Variants in CCDC146 observed in about 807,000 individuals in gnomAD.
CCDC146 encodes the protein coiled-coil domain-containing protein 146.
In CCDC146, 92 loss-of-function variants were observed where a neutral mutation model predicts 119.3. That is an observed-to-expected ratio of 0.77 (90% confidence interval 0.65 to 0.92). CCDC146 has a LOEUF of 0.92. Among genes scored for constraint, CCDC146 ranks in the 40% least tolerant of loss-of-function variants. The pLI is 0.00. For synonymous variants in CCDC146, 372 were observed against 371.8 expected, an observed-to-expected ratio of 1.00 and a Z score of -0.01; for missense variants, 1,000 against 1,103.0, an observed-to-expected ratio of 0.91 and a Z score of 1.32.
At chr7:77,288,443 G>A (rs1339780979) in intron 17 of CCDC146, among the ~76,000 whole-genome samples, 1 of 152,194 alleles carries the variant, frequency 6.6e-6, no homozygotes, top group Non-Finnish European at 1.5e-5. Flanking sequence ...TTCATTTGGG[G>A]AATTGCCCCA....
At chr7:77,191,518 T>C (rs1260797665) in intron 2 of CCDC146, among the ~76,000 whole-genome samples, 2 of 152,180 alleles carry the variant, frequency 1.3e-5, no homozygotes, top group South Asian at 2.1e-4. Context: ...TAGACAATAT[T>C]GAATAATATA....
chr7:77,156,627 A>G (rs1007609374), intron 1 of CCDC146, among the ~76,000 whole-genome samples: 5 of 152,356 alleles, frequency 3.3e-5, no homozygotes, highest in Non-Finnish European at 5.9e-5. Context: ...CAAGTCTAAC[A>G]TTGTCTTTGT....
intron 8 of CCDC146, among the ~76,000 whole-genome samples, chr7:77,261,283 C>A (rs1026935263): frequency 1.3e-5 from 2 of 152,038 alleles, no homozygotes; most frequent in Non-Finnish European, 2.9e-5. Context: ...ATCCTCTACC[C>A]TCCAAAAGGC....
At position 77,221,495 on chromosome 7, in the gene CCDC146, C is replaced by G. The variant is rs149733762; in HGVS notation, c.157-15452C>G. ...TGTTAGTTCTATGAGTGGCCCAAAT[C>G]ACATGTGGATGTGGAAAGGGAACAC... On this transcript the variant is annotated intron_variant, in intron 2 of 18. Coordinates refer to ENST00000285871, the MANE Select transcript of CCDC146 (RefSeq NM_020879.3). Among the ~76,000 whole-genome samples the G allele has an allele frequency of 5.3e-3, 812 of 152,266 alleles. 24 individuals are homozygous for G. Among genetic ancestry groups the G allele is most frequent in the Admixed American group, 0.046 (702 of 15,296 alleles).
At chr7:77,126,232 T>C (rs1299051987) in intron 1 of CCDC146, among the ~76,000 whole-genome samples, 1 of 152,238 alleles carries the variant, frequency 6.6e-6, no homozygotes, top group African/African-American at 2.4e-5. Context: ...TTTCTTCTGA[T>C]TTATTGATAT....
chr7:77,174,243 C>A (rs563799061), intron 2 of CCDC146, among the ~76,000 whole-genome samples: 1 of 152,144 alleles, frequency 6.6e-6, no homozygotes, highest in Admixed American at 6.6e-5. Context: ...TTATGCATGG[C>A]GGTAGTTTGA....
At chr7:77,142,010 A>T (rs575958946) in intron 1 of CCDC146, among the ~76,000 whole-genome samples, 2 of 152,244 alleles carry the variant, frequency 1.3e-5, no homozygotes, top group South Asian at 4.2e-4. Context: ...CCTGAATGGT[A>T]TTGCCTGGGT....
chr7:77,286,072 G>A (rs1262681610), intron 15 of CCDC146, among the ~76,000 whole-genome samples: 1 of 152,178 alleles, frequency 6.6e-6, no homozygotes, highest in Admixed American at 6.5e-5. Flanking sequence ...AATACCTGAG[G>A]CTGGATAACA....
intron 18 of CCDC146, among the ~76,000 whole-genome samples, chr7:77,293,437 A>C (rs11981788): frequency 0.16 from 24,738 of 152,238 alleles, 2,229 homozygotes; most frequent in Admixed American, 0.21. Flanking sequence ...ATAGCCTTAC[A>C]TCCTGGGCTG....
chr7:77,135,706 A>G (rs939722153), intron 1 of CCDC146, among the ~76,000 whole-genome samples: 1 of 152,236 alleles, frequency 6.6e-6, no homozygotes, highest in Non-Finnish European at 1.5e-5. Context: ...AAATGCACCA[A>G]TTAAAAGACA....
chr7:77,159,571 T>A (rs1456448458), intron 1 of CCDC146, among the ~76,000 whole-genome samples: 1 of 152,228 alleles, frequency 6.6e-6, no homozygotes, highest in Non-Finnish European at 1.5e-5. Flanking sequence ...TCTTGGCTTT[T>A]GTAAATAGTG....
chr7:77,251,415 A>G (rs765612244), intron 4 of CCDC146, among the ~76,000 whole-genome samples: 13 of 152,132 alleles, frequency 8.5e-5, no homozygotes, highest in Admixed American at 2.6e-4. Flanking sequence ...TTCTTAGCCT[A>G]TTAGTCATAG....
At chr7:77,232,972 T>C (rs1384942957) in intron 2 of CCDC146, among the ~76,000 whole-genome samples, 2 of 152,206 alleles carry the variant, frequency 1.3e-5, no homozygotes, top group Non-Finnish European at 2.9e-5. Context: ...CTTCAGTAGA[T>C]TTTATTGAAT....
intron 1 of CCDC146, among the ~76,000 whole-genome samples, chr7:77,163,449 A>G (rs1467484712): frequency 5.3e-5 from 8 of 150,468 alleles, no homozygotes; most frequent in African/African-American, 1.9e-4. Flanking sequence ...CTCTGTCTCA[A>G]AAAAAAAAAT....
intron 1 of CCDC146, among the ~76,000 whole-genome samples, chr7:77,130,701 C>G (rs1278817795): frequency 2.0e-5 from 3 of 149,266 alleles, no homozygotes. Context: ...CAGGTTCACG[C>G]CATTCTCCTG....
chr7:77,190,838 G>A (rs1367304244), intron 2 of CCDC146, among the ~76,000 whole-genome samples: 1 of 152,172 alleles, frequency 6.6e-6, no homozygotes, highest in Non-Finnish European at 1.5e-5. Flanking sequence ...AAGGTGATTT[G>A]TGAAGGAGTC....
At chr7:77,236,880 C>A in intron 2 of CCDC146, 67 bp from the exon 3 acceptor site, 1 of 1,129,954 alleles carries the variant, frequency 8.8e-7, no homozygotes, top group Non-Finnish European at 1.3e-6. Context: ...ACCATATATC[C>A]ATTCCATCCC....
In CCDC146 at chr7:77,196,417, A is replaced by G; in HGVS notation, c.156+28593A>G. On this transcript the variant is annotated intron_variant, in intron 2 of 18. Coordinates refer to ENST00000285871, the MANE Select transcript of CCDC146 (RefSeq NM_020879.3). This position sits in a 1 kb window ranked among gnomAD's most constrained non-coding sequence, Gnocchi z 4.2. ...TACGGACACCTCTGTATTTTTGGTG[A>G]TAATATTTGCCATTTAAGTTTGCAG... 2 of 1,614,138 alleles carry G rather than the reference A, an allele frequency of 1.2e-6. No homozygotes were observed. The highest frequency in any genetic ancestry group is 1.7e-6 in the Non-Finnish European group (2 of 1,180,012).
At chr7:77,217,354 G>GTATA in intron 2 of CCDC146, among the ~76,000 whole-genome samples, 1 of 149,856 alleles carries the variant, frequency 6.7e-6, no homozygotes, top group East Asian at 2.0e-4. Context: ...ACACACATAT[G>GTATA]TATATATATG....
Sources: allele counts gnomAD v4.1 joint callset (sites outside exome capture counted in the v4.1 genomes callset), GRCh38; gene constraint gnomAD v4.1.1; non-coding constraint Gnocchi (gnomAD v3.1); transcripts MANE v1.5; gene names NCBI Gene and HGNC (gene_info 2026-07-23, HGNC 2026-07-21).